Variants in PRKD2 observed in about 807,000 individuals in gnomAD.
PRKD2 encodes protein kinase D2.
Under a neutral mutation model 86.0 loss-of-function variants are expected in PRKD2, and 22 were observed. The ratio of observed to expected loss-of-function variants is 0.26; its 90% CI spans 0.18 to 0.37. The LOEUF is 0.37. Ranked by LOEUF, PRKD2 falls within the 10% of genes least tolerant of loss-of-function variation. The pLI is 1.00. For synonymous variants in PRKD2, 509 were observed against 510.9 expected, an observed-to-expected ratio of 1.00 and a Z score of 0.05; for missense variants, 818 against 1,199.2, an observed-to-expected ratio of 0.68 and a Z score of 4.70.
chr19:46,683,447 C>T (rs2053344248), intron 14 of PRKD2, among the ~76,000 whole-genome samples: 1 of 152,118 alleles, frequency 6.6e-6, no homozygotes, highest in South Asian at 2.1e-4. Flanking sequence ...TTTGGCTGGG[C>T]ATGGTGACTC....
At chr19:46,713,703 G>T (rs1599845202) in intron 2 of PRKD2, among the ~76,000 whole-genome samples, 160 bp downstream of exon 2, 1 of 151,634 alleles carries the variant, frequency 6.6e-6, no homozygotes, top group African/African-American at 2.4e-5. Context: ...GGGCTCAAGC[G>T]ATCCCCCCAG....
chr19:46,686,915 C>A (rs1398035307), intron 14 of PRKD2, among the ~76,000 whole-genome samples: 2 of 151,346 alleles, frequency 1.3e-5, no homozygotes, highest in Non-Finnish European at 2.9e-5. Flanking sequence ...GGTGCCACTG[C>A]ACTCCAGCCT....
At position 46,692,002 on chromosome 19, in the gene PRKD2, G is replaced by C. The variant is rs2053490990; in HGVS notation, c.1577-17C>G. On this transcript the variant is annotated splice_polypyrimidine_tract_variant and intron_variant, in intron 10 of 17. Coordinates refer to ENST00000291281, the MANE Select transcript of PRKD2 (RefSeq NM_016457.5). ...AAGCTTGTCCTAGGGAGAGGGGAGA[G>C]ACAGAGGTGAGGGGACTCCAGGCTC... 2 of 1,612,320 alleles carry C rather than the reference G, an allele frequency of 1.2e-6. No homozygotes were observed.
At chr19:46,696,428 G>A (rs933106676) in intron 9 of PRKD2, among the ~76,000 whole-genome samples, 1 of 152,052 alleles carries the variant, frequency 6.6e-6, no homozygotes, top group Non-Finnish European at 1.5e-5. Context: ...CATGGGAGGT[G>A]GTGACGAATA....
At chr19:46,700,525 G>A (rs1477701263) in intron 7 of PRKD2, among the ~76,000 whole-genome samples, 1 of 152,052 alleles carries the variant, frequency 6.6e-6, no homozygotes. Flanking sequence ...CCAGCTACTC[G>A]AGAGGCTAAG....
chr19:46,678,343 T>C lies in PRKD2; in HGVS notation c.2338+53A>G. 1 of 1,591,104 alleles carries C rather than the reference T, an allele frequency of 6.3e-7. No individual in the cohort carries two copies. The highest frequency in any genetic ancestry group is 8.5e-7 in the Non-Finnish European group (1 of 1,170,724). On this transcript the variant is annotated intron_variant, in intron 16 of 17. Coordinates refer to ENST00000291281, the MANE Select transcript of PRKD2 (RefSeq NM_016457.5). The surrounding 1 kb of genome is among the most constrained non-coding windows in gnomAD (Gnocchi z 5.7). ...CCCCTCTCATGGCTCCGCCCACTTC[T>C]CCAGCCCCACCCCACAACCCACCCG...
chr19:46,691,873 CGAG>C, intron 11 of PRKD2, 57 bp downstream of exon 11: 1 of 1,610,738 alleles, frequency 6.2e-7, no homozygotes, highest in East Asian at 2.2e-5. Context: ...GTCAAGGAGA[CGAG>C]AGAGCTGAGG....
intron 1 of PRKD2, 78 bp from the exon 2 acceptor site, chr19:46,714,079 G>A: frequency 1.3e-6 from 2 of 1,522,088 alleles, no homozygotes; most frequent in Non-Finnish European, 8.9e-7. Flanking sequence ...GACCCTCCCA[G>A]GGCAGGGCCG....
At chr19:46,697,607 C>G in intron 8 of PRKD2, 126 bp downstream of exon 8, 1 of 830,588 alleles carries the variant, frequency 1.2e-6, no homozygotes, top group Non-Finnish European at 1.9e-6. Context: ...CCAGCACGGC[C>G]CAGCCCACTA....
rs314676 is a variant in PRKD2 at position 46,693,167 on chromosome 19, T to C, written c.1576+708A>G. Among the ~76,000 whole-genome samples, 116,559 of 152,044 alleles carry C rather than the reference T, an allele frequency of 0.77. 45,123 individuals are homozygous for C. Among genetic ancestry groups the C allele is most frequent in the African/African-American group, 0.88 (36,554 of 41,492 alleles). On this transcript the variant is annotated intron_variant, in intron 10 of 17. Coordinates refer to ENST00000291281, the MANE Select transcript of PRKD2 (RefSeq NM_016457.5). This position sits in a 1 kb window ranked among gnomAD's most constrained non-coding sequence, Gnocchi z 4.5. ...GGTCAGGTACCCCTCTGGGCTCCTC[T>C]AGCTCCCTAGCTTCCTTGTCCCAAC...
chr19:46,692,122 G>A, intron 10 of PRKD2, 137 bp from the exon 11 acceptor site: 1 of 829,968 alleles, frequency 1.2e-6, no homozygotes, highest in Non-Finnish European at 2.0e-6. Flanking sequence ...ACTTCAGGCT[G>A]GTGACTTGTC....
intron 2 of PRKD2, 69 bp downstream of exon 2, chr19:46,713,794 A>G (rs569603678): frequency 8.4e-6 from 9 of 1,067,842 alleles, no homozygotes; most frequent in Non-Finnish European, 1.2e-5. Flanking sequence ...AACTCCCCCT[A>G]CCCTCTCCTC....
At chr19:46,679,069 G>A (rs1375452140) in intron 15 of PRKD2, among the ~76,000 whole-genome samples, 17 of 152,122 alleles carry the variant, frequency 1.1e-4, no homozygotes, top group African/African-American at 2.9e-4. Context: ...TGATTGGGGC[G>A]TGGTGGCTCA....
intron 3 of PRKD2, chr19:46,709,386 A>C (rs1368320208): frequency 2.5e-5 from 4 of 162,094 alleles, no homozygotes; most frequent in Admixed American, 6.5e-5. Context: ...TTTTTGAGAC[A>C]GAGTTTTGCT....
intron 14 of PRKD2, among the ~76,000 whole-genome samples, chr19:46,687,147 G>A (rs939720538): frequency 6.6e-6 from 1 of 151,898 alleles, no homozygotes; most frequent in Non-Finnish European, 1.5e-5. Context: ...AGAACTTTGC[G>A]AGGCTGAGGC....
rs1306793696 is a variant in PRKD2 at position 46,675,074 on chromosome 19, G to A, written c.2383C>T (p.Arg795Cys). Residue 795 changes from arginine (R) to cysteine (C), a missense_variant, in exon 17 of 18, where the codon CGC (arginine) becomes TGC (cysteine). Transcript: ENST00000291281. ...NNLLQVKMRK[R>C]YSVDKSLSHP... ...CTGAGAGATTTGTCCACGCTGTAGC[G>A]TTTGCGCATCTTCACCTGCAGCAGG... is the stretch of plus-strand genomic sequence containing the variant. The A allele has an allele frequency of 1.2e-6, 2 of 1,611,642 alleles. No individual in the cohort carries two copies. Among genetic ancestry groups the A allele is most frequent in the Non-Finnish European group, 8.5e-7 (1 of 1,178,784 alleles).
Position 46,678,774 on chromosome 19 carries a change from G to C in PRKD2, c.2071-111C>G. 1 of 1,321,242 alleles carries C rather than the reference G, an allele frequency of 7.6e-7. No homozygotes were observed. Among genetic ancestry groups the C allele is most frequent in the Non-Finnish European group, 1.0e-6 (1 of 978,226 alleles). 81.8% of individuals were successfully genotyped at this position (1,321,242 alleles called of 1,614,324 possible). A position where few individuals can be genotyped will look rare whatever the true frequency, so the allele number is the denominator to read the frequency against. On this transcript the variant is annotated intron_variant, in intron 15 of 17. Coordinates refer to ENST00000291281, the MANE Select transcript of PRKD2 (RefSeq NM_016457.5). This position sits in a 1 kb window ranked among gnomAD's most constrained non-coding sequence, Gnocchi z 5.7. ...TCCAGAGAAAGCTGGATGCTGGTTT[G>C]AATCCAGGCTCCTTGGCTCACTAGC...
At chr19:46,705,809 G>A (rs538194030) in intron 3 of PRKD2, among the ~76,000 whole-genome samples, 7 of 150,994 alleles carry the variant, frequency 4.6e-5, no homozygotes, top group Non-Finnish European at 1.0e-4. Context: ...AGAGTTCTCA[G>A]TTGTACTCAG....
chr19:46,684,862 C>T (rs574851912), intron 14 of PRKD2, among the ~76,000 whole-genome samples: 7 of 152,074 alleles, frequency 4.6e-5, no homozygotes, highest in African/African-American at 1.7e-4. Flanking sequence ...ACTCAGGAGG[C>T]TGAGGCAGGA....
Sources: allele counts gnomAD v4.1 joint callset (sites outside exome capture counted in the v4.1 genomes callset), GRCh38; gene constraint gnomAD v4.1.1; non-coding constraint Gnocchi (gnomAD v3.1); transcripts MANE v1.5; gene names NCBI Gene and HGNC (gene_info 2026-07-23, HGNC 2026-07-21).